Variants in SAE1 observed in about 807,000 individuals in gnomAD.
SAE1 encodes the protein SUMO1 activating enzyme subunit 1.
Under a neutral mutation model 40.6 loss-of-function variants are expected in SAE1, and 11 were observed. That is an observed-to-expected ratio of 0.27 (90% CI 0.17 to 0.45). The LOEUF (loss-of-function observed/expected upper bound fraction) is 0.45, where lower values mean the gene tolerates loss of function less well. SAE1 is among the 20% of genes least tolerant of loss of function. The probability of loss-of-function intolerance (pLI) is 1.00; values close to 1 mark genes in which losing one functional copy is unlikely to be tolerated. For synonymous variants in SAE1, 155 were observed against 154.3 expected (o/e 1.00, Z -0.03); for missense variants, 373 against 427.3 (o/e 0.87, Z 1.12).
intron 7 of SAE1, among the ~76,000 whole-genome samples, chr19:47,201,835 G>A (rs1004269530): frequency 3.3e-5 from 5 of 152,048 alleles, no homozygotes; most frequent in Non-Finnish European, 7.4e-5. Context: ...GTTTCACTAT[G>A]TAGGTCAAGC....
At chr19:47,138,336 G>A (rs975906673) in intron 1 of SAE1, among the ~76,000 whole-genome samples, 8 of 152,172 alleles carry the variant, frequency 5.3e-5, no homozygotes, top group Admixed American at 2.6e-4. Flanking sequence ...GAGCCACTGC[G>A]CCTGGCCAGA....
At position 47,209,487 on chromosome 19, in the gene SAE1, A is replaced by G; in HGVS notation, c.*236A>G. The G allele has an allele frequency of 3.1e-6, 2 of 637,452 alleles. No individual in the cohort carries two copies. Among genetic ancestry groups the G allele is most frequent in the Admixed American group, 6.0e-5 (2 of 33,418 alleles). 39.5% of individuals were successfully genotyped at this position (637,452 alleles called of 1,614,324 possible). On this transcript the variant is annotated 3_prime_UTR_variant, in exon 9 of 9. Coordinates refer to ENST00000270225, the MANE Select transcript of SAE1 (RefSeq NM_005500.3). ...TCCAGCACTGTTCAGGCTGCCTGTC[A>G]TCCCGGGCCTGCCAGCTCCCCTGAG...
chr19:47,143,645 C>T (rs1301334639), intron 2 of SAE1, 40 bp downstream of exon 2: 9 of 1,448,094 alleles, frequency 6.2e-6, no homozygotes, highest in Non-Finnish European at 8.7e-6. Flanking sequence ...GCTCTGGCTC[C>T]CCTTTCCAGC....
intron 6 of SAE1, among the ~76,000 whole-genome samples, chr19:47,173,153 C>A (rs560347954): frequency 6.6e-6 from 1 of 152,254 alleles, no homozygotes; most frequent in African/African-American, 2.4e-5. Flanking sequence ...CACGCACCAC[C>A]ACACCCAGCT....
chr19:47,199,191 C>T (rs2058636009), intron 7 of SAE1, among the ~76,000 whole-genome samples: 3 of 151,870 alleles, frequency 2.0e-5, no homozygotes, highest in Admixed American at 6.6e-5. Flanking sequence ...TTGAGACCAT[C>T]GTGGCTAACA....
chr19:47,196,333 C>CTTTTTT (rs61498882), intron 6 of SAE1, among the ~76,000 whole-genome samples: 13 of 27,888 alleles, frequency 4.7e-4, no homozygotes, highest in Non-Finnish European at 7.1e-4. Flanking sequence ...CCGCGCCTGG[C>CTTTTTT]TTTTTTTTTT....
At chr19:47,161,201 A>C (rs1367228850) in intron 5 of SAE1, among the ~76,000 whole-genome samples, 1 of 130,530 alleles carries the variant, frequency 7.7e-6, no homozygotes, top group Non-Finnish European at 1.6e-5. Context: ...TTTTTTTGAG[A>C]TCTCTTGCTG....
At position 47,191,490 on chromosome 19, in the gene SAE1, T is replaced by C. The variant is rs1169469703; in HGVS notation, c.734-5743T>C. On this transcript the variant is annotated intron_variant, in intron 6 of 8. Coordinates refer to ENST00000270225, the MANE Select transcript of SAE1 (RefSeq NM_005500.3). ...CAAGACCCAGAAAGGGTATCAACACTGCCTGAGCAGATGGAGGCAAAGCTG... is the reference window on the plus strand; with the variant it reads ...CAAGACCCAGAAAGGGTATCAACACCGCCTGAGCAGATGGAGGCAAAGCTG... Among the ~76,000 whole-genome samples the C allele has an allele frequency of 2.6e-5, 4 of 152,162 alleles. No homozygotes were observed. In the East Asian group the frequency reaches 7.7e-4, roughly 29 times the overall value.
intron 6 of SAE1, among the ~76,000 whole-genome samples, chr19:47,191,869 C>A (rs1416579959): frequency 6.6e-6 from 1 of 152,016 alleles, no homozygotes; most frequent in Non-Finnish European, 1.5e-5. Flanking sequence ...TCCTGGCTAA[C>A]ACGGTGAAAC....
intron 8 of SAE1, 128 bp from the exon 9 acceptor site, chr19:47,209,031 A>G (rs1478624582): frequency 1.3e-5 from 10 of 747,418 alleles, no homozygotes; most frequent in Non-Finnish European, 2.2e-5. Flanking sequence ...GACATTGCCA[A>G]ATAGCCCTTT....
intron 5 of SAE1, among the ~76,000 whole-genome samples, chr19:47,155,766 T>C (rs1258661691): frequency 7.1e-6 from 1 of 140,144 alleles, no homozygotes; most frequent in Non-Finnish European, 1.5e-5. Flanking sequence ...TTTTTTTTTT[T>C]GAGATGGAGT....
At chr19:47,196,333 C>G (rs571579984) in intron 6 of SAE1, among the ~76,000 whole-genome samples, 851 of 27,890 alleles carry the variant, frequency 0.031, 11 homozygotes, top group Middle Eastern at 0.23. Flanking sequence ...CCGCGCCTGG[C>G]TTTTTTTTTT....
At chr19:47,178,065 A>AC (rs2058481925) in intron 6 of SAE1, among the ~76,000 whole-genome samples, 1 of 152,126 alleles carries the variant, frequency 6.6e-6, no homozygotes, top group East Asian at 1.9e-4. Context: ...ACATAGTGAA[A>AC]CCCCATCTCT....
intron 2 of SAE1, among the ~76,000 whole-genome samples, chr19:47,145,965 A>G (rs2058253659): frequency 1.4e-5 from 2 of 143,156 alleles, no homozygotes; most frequent in African/African-American, 2.6e-5. Flanking sequence ...TCCGGAAACC[A>G]TAGCAGGCTC....
intron 1 of SAE1, among the ~76,000 whole-genome samples, chr19:47,139,161 A>G (rs552930905): frequency 1.3e-5 from 2 of 152,228 alleles, no homozygotes; most frequent in South Asian, 4.1e-4. Flanking sequence ...CATATTGGCC[A>G]GGCTGGTCTC....
At chr19:47,208,336 T>G (rs146510282) in intron 8 of SAE1, among the ~76,000 whole-genome samples, 1,697 of 152,234 alleles carry the variant, frequency 0.011, 36 homozygotes, top group African/African-American at 0.039. Flanking sequence ...TACAGCTCAC[T>G]GCAGCCTCAA....
intron 6 of SAE1, among the ~76,000 whole-genome samples, chr19:47,193,057 CTT>C (rs869046931): frequency 3.2e-4 from 44 of 136,922 alleles, no homozygotes; most frequent in Admixed American, 3.7e-4. Flanking sequence ...TGGTCACAGC[CTT>C]TTTTTTTTTT....
chr19:47,192,206 G>A (rs1482932807), intron 6 of SAE1, among the ~76,000 whole-genome samples: 3 of 152,204 alleles, frequency 2.0e-5, no homozygotes, highest in Middle Eastern at 6.8e-3. Context: ...CCTGGTGAGC[G>A]GGTAATTATT....
intron 2 of SAE1, among the ~76,000 whole-genome samples, chr19:47,147,947 A>T (rs1475951425): frequency 6.6e-6 from 1 of 151,620 alleles, no homozygotes; most frequent in African/African-American, 2.4e-5. Flanking sequence ...TTTTTAGTAG[A>T]GATGGGGTTT....
Sources: allele counts gnomAD v4.1 joint callset (sites outside exome capture counted in the v4.1 genomes callset), GRCh38; gene constraint gnomAD v4.1.1; transcripts MANE v1.5; gene names NCBI Gene and HGNC (gene_info 2026-07-23, HGNC 2026-07-21).